Variants in LHFPL3 observed in about 807,000 individuals in gnomAD.
The protein encoded by LHFPL3 is LHFPL tetraspan subfamily member 3 protein.
LHFPL3 carries 5 observed loss-of-function variants against 19.3 expected under a neutral mutation model. The ratio of observed to expected loss-of-function variants is 0.26; its 90% CI spans 0.14 to 0.54. The LOEUF (loss-of-function observed/expected upper bound fraction) is 0.54. LHFPL3 is among the 20% of genes least tolerant of loss of function. LHFPL3 has a pLI of 0.94. For synonymous variants in LHFPL3, 133 were observed against 126.2 expected (o/e 1.05, Z -0.36); for missense variants, 249 against 307.4 (o/e 0.81, Z 1.42).
In LHFPL3 at chr7:104,832,950, C is replaced by T. The variant is rs569956692; in HGVS notation, c.683-73237C>T. ...GTCAGGGTTCTCTAGAGGGACAGAA[C>T]TAATAGGATGTATATATATATATAT... On this transcript the variant is annotated intron_variant, in intron 2 of 2. Transcript: ENST00000424859. 8.4e-5 allele frequency among the ~76,000 whole-genome samples: 7 copies of T among 83,750 alleles called. No individual in the cohort carries two copies. The South Asian group carries it at 1.7e-3, about 20-fold the overall frequency. The allele number at this position is 83,750 out of a possible 152,430, so 54.9% of individuals were successfully genotyped here.
intron 1 of LHFPL3, among the ~76,000 whole-genome samples, chr7:104,421,000 A>T (rs1454948468): frequency 6.6e-6 from 1 of 152,208 alleles, no homozygotes; most frequent in Non-Finnish European, 1.5e-5. Context: ...AATCAGACAG[A>T]TGGGCCAACA....
At chr7:104,578,678 G>A (rs36041265) in intron 1 of LHFPL3, among the ~76,000 whole-genome samples, 2,844 of 152,144 alleles carry the variant, frequency 0.019, 55 homozygotes, top group East Asian at 0.095. Flanking sequence ...CCACCCTACC[G>A]TGATAGATTG....
intron 1 of LHFPL3, among the ~76,000 whole-genome samples, chr7:104,553,473 G>C (rs1051604722): frequency 1.3e-5 from 2 of 152,132 alleles, no homozygotes; most frequent in African/African-American, 2.4e-5. Flanking sequence ...TGAACCACTT[G>C]CCACCTTTGT....
intron 1 of LHFPL3, among the ~76,000 whole-genome samples, chr7:104,341,043 C>CGAAATAATTATCGAAAGCAGTTATCGAA (rs1789935665): frequency 1.3e-5 from 2 of 152,186 alleles, no homozygotes; most frequent in African/African-American, 4.8e-5. Context: ...ATTTCCTCTT[C>CGAAATAATTATCGAAAGCAGTTATCGAA]ACAGTTATCG....
At chr7:104,512,102 G>A (rs552762395) in intron 1 of LHFPL3, among the ~76,000 whole-genome samples, 123 of 151,526 alleles carry the variant, frequency 8.1e-4, no homozygotes, top group Middle Eastern at 3.4e-3. Flanking sequence ...TTACAGGCAC[G>A]CTCCACCACA....
intron 1 of LHFPL3, among the ~76,000 whole-genome samples, chr7:104,396,851 T>TC (rs1791198970): frequency 1.3e-5 from 2 of 151,888 alleles, no homozygotes; most frequent in African/African-American, 4.8e-5. Flanking sequence ...GCGTCTGTGG[T>TC]CCTAGCTACT....
intron 1 of LHFPL3, among the ~76,000 whole-genome samples, chr7:104,575,672 GTC>G (rs1790325041): frequency 6.6e-6 from 1 of 151,138 alleles, no homozygotes; most frequent in African/African-American, 2.4e-5. Flanking sequence ...TTGAGACAGG[GTC>G]TCACTCTGTC....
chr7:104,479,506 C>T (rs1357655637), intron 1 of LHFPL3, among the ~76,000 whole-genome samples: 1 of 152,096 alleles, frequency 6.6e-6, no homozygotes, highest in Non-Finnish European at 1.5e-5. Context: ...ATTCTCCTGC[C>T]TCAGCCTCCT....
chr7:104,529,184 A>T (rs1260374172), intron 1 of LHFPL3, among the ~76,000 whole-genome samples: 1 of 152,180 alleles, frequency 6.6e-6, no homozygotes, highest in Non-Finnish European at 1.5e-5. Flanking sequence ...GACTATGGTC[A>T]GAAGAATGTG....
rs149418528 is a variant in LHFPL3, at chr7:104,639,388, T to C, written c.446-97287T>C. ...TAGAAGTGTTCACAGCAGTCTCTGA[T>C]TGTTATTTGTATTTCTGTGGAGTCA... On this transcript the variant is annotated intron_variant, in intron 1 of 2. Coordinates refer to ENST00000424859, the MANE Select transcript of LHFPL3 (RefSeq NM_199000.3). Among the ~76,000 whole-genome samples, 347 of 152,296 alleles carry C rather than the reference T, an allele frequency of 2.3e-3. 2 individuals are homozygous for C. The highest frequency in any genetic ancestry group is 7.7e-3 in the African/African-American group (322 of 41,568).
chr7:104,587,836 A>AT (rs1249744848), intron 1 of LHFPL3, among the ~76,000 whole-genome samples: 1 of 152,000 alleles, frequency 6.6e-6, no homozygotes, highest in Admixed American at 6.6e-5. Flanking sequence ...ATGGTATCTC[A>AT]TTGTGGTTTT....
intron 1 of LHFPL3, among the ~76,000 whole-genome samples, chr7:104,719,280 C>G (rs1231013178): frequency 6.6e-6 from 1 of 152,012 alleles, no homozygotes; most frequent in Admixed American, 6.6e-5. Context: ...TACACATACA[C>G]ATGTATATAT....
At chr7:104,837,932 T>C (rs1441314054) in intron 2 of LHFPL3, among the ~76,000 whole-genome samples, 3 of 152,224 alleles carry the variant, frequency 2.0e-5, no homozygotes, top group Non-Finnish European at 4.4e-5. Context: ...TAGCATGCCT[T>C]CAATATAACC....
chr7:104,696,684 G>A (rs547102779), intron 1 of LHFPL3, among the ~76,000 whole-genome samples: 1 of 152,194 alleles, frequency 6.6e-6, no homozygotes, highest in Admixed American at 6.5e-5. Context: ...AATTGTAGAA[G>A]GTCTTGCCAG....
Position 104,500,675 on chromosome 7 carries a change from A to G in LHFPL3, c.445+171451A>G, listed in dbSNP as rs540743377. Among the ~76,000 whole-genome samples the G allele has an allele frequency of 2.0e-5, 3 of 152,136 alleles. No homozygotes were observed. In the South Asian group the frequency reaches 6.2e-4, roughly 32 times the overall value. On this transcript the variant is annotated intron_variant, in intron 1 of 2. Transcript: ENST00000424859. ...CCTGCTTCACATCTTTTGCACTTTT[A>G]CCACCTTTCCCTCGCCACAGAGGGC...
intron 1 of LHFPL3, among the ~76,000 whole-genome samples, chr7:104,644,614 G>A (rs1003224769): frequency 5.3e-5 from 8 of 152,098 alleles, no homozygotes; most frequent in African/African-American, 1.9e-4. Context: ...TTGGTAGAAG[G>A]ACTCGTTGAT....
intron 1 of LHFPL3, among the ~76,000 whole-genome samples, chr7:104,694,143 C>A (rs1350234211): frequency 1.3e-5 from 2 of 152,194 alleles, no homozygotes; most frequent in Non-Finnish European, 2.9e-5. Context: ...GAATTTATCA[C>A]CATCTAACCA....
At chr7:104,847,195 C>G (rs1284788327) in intron 2 of LHFPL3, among the ~76,000 whole-genome samples, 2 of 152,206 alleles carry the variant, frequency 1.3e-5, no homozygotes, top group African/African-American at 4.8e-5. Context: ...GTATGTACTT[C>G]TCTTCTTCCT....
At chr7:104,479,865 C>T (rs924064951) in intron 1 of LHFPL3, among the ~76,000 whole-genome samples, 1 of 152,194 alleles carries the variant, frequency 6.6e-6, no homozygotes, top group Non-Finnish European at 1.5e-5. Context: ...TTAATACTTC[C>T]TGTTGGTGGA....
Sources: gnomAD v4.1 joint callset for allele counts (sites outside exome capture counted in the v4.1 genomes callset) on GRCh38, gnomAD v4.1.1 for gene constraint, MANE v1.5 for transcripts, NCBI Gene and HGNC (gene_info 2026-07-23, HGNC 2026-07-21) for gene names.